The following INTS1 variants were observed in gnomAD, a reference collection of about 807,000 sequenced individuals.
INTS1 encodes the protein integrator complex subunit 1.
INTS1 carries 137 observed loss-of-function variants against 241.6 expected under a neutral mutation model. The ratio of observed to expected loss-of-function variants is 0.57; its 90% CI spans 0.49 to 0.65. The LOEUF is 0.65. Among genes scored for constraint, INTS1 ranks in the 30% least tolerant of loss-of-function variants. The pLI is 0.00. For synonymous variants in INTS1, 1,692 were observed against 1,337.8 expected, an observed-to-expected ratio of 1.26 and a Z score of -5.78; for missense variants, 3,073 against 3,032.2, an observed-to-expected ratio of 1.01 and a Z score of -0.32.
intron 16 of INTS1, among the ~76,000 whole-genome samples, chr7:1,491,597 C>G (rs910887723): frequency 2.0e-5 from 3 of 152,208 alleles, no homozygotes; most frequent in African/African-American, 4.8e-5. Context: ...TGGATTTGCT[C>G]AAAATTGAAA....
chr7:1,495,944 A>G lies in INTS1; in HGVS notation c.1711+212T>C, dbSNP rs113214174. Among the ~76,000 whole-genome samples the G allele has an allele frequency of 2.6e-4, 39 of 152,130 alleles. 1 individual carries two copies. Among genetic ancestry groups the G allele is most frequent in the African/African-American group, 8.9e-4 (37 of 41,384 alleles). ...GAACTGGAGCACACAAAGGACGCTC[A>G]TGGGAACAGGGTCTGAGCCTGCAGC... On this transcript the variant is annotated intron_variant, in intron 12 of 47. Transcript: ENST00000404767.
intron 3 of INTS1, among the ~76,000 whole-genome samples, chr7:1,502,362 G>A (rs112119074): frequency 0.016 from 2,426 of 152,216 alleles, 65 homozygotes; most frequent in African/African-American, 0.054. Flanking sequence ...TAGGCACACA[G>A]TTAAAGGCAT....
rs1375111679 is a variant in INTS1, at chr7:1,503,893, G to A, written c.58+10C>T. Reference sequence around the variant, plus strand: ...GACCCCCGGGCTGCAGAGCGAGGAGGGAGACGCACCTGAGGGTTTGGCCGC... The same window carrying A: ...GACCCCCGGGCTGCAGAGCGAGGAGAGAGACGCACCTGAGGGTTTGGCCGC... On this transcript the variant is annotated intron_variant, in intron 2 of 47. Transcript: ENST00000404767. 5.1e-6 allele frequency: 8 copies of A among 1,561,872 alleles called. No individual in the cohort carries two copies. The East Asian group carries it at 7.2e-5, about 14-fold the overall frequency.
rs561160944 is a variant in INTS1 at position 1,474,809 on chromosome 7, C to A, written c.5532G>T (p.Thr1844=). 44 of 1,590,234 alleles carry A rather than the reference C, an allele frequency of 2.8e-5. No individual in the cohort carries two copies. The highest frequency in any genetic ancestry group is 4.6e-5 in the South Asian group (4 of 87,058). Residue 1844 remains threonine, a synonymous_variant, in exon 40 of 48, where the codon ACG becomes ACT. Transcript: ENST00000404767. ...KLDGLIHRFI[T]LLADTSDSRA... is the part of the protein sequence containing the mutation. ...GGGAGTCGCTGGTGTCCGCAAGGAG[C>A]GTGATGAAGCGGTGGATGAGTCCGT...
chr7:1,473,052 C>T lies in INTS1; in HGVS notation c.6070+20G>A, dbSNP rs748758702. 8 of 1,524,982 alleles carry T rather than the reference C, an allele frequency of 5.2e-6. No homozygotes were observed. The Admixed American group carries it at 8.9e-5, about 17-fold the overall frequency. The allele number at this position is 1,524,982 out of a possible 1,614,324, so 94.5% of individuals were successfully genotyped here. A position where few individuals can be genotyped will look rare whatever the true frequency, so the allele number is the denominator to read the frequency against. On this transcript the variant is annotated intron_variant, in intron 43 of 47. Transcript: ENST00000404767. ...ACTGTTCCGCAGCTGCTTCCAGCAGCCCCTGGCAGCCCCACTCACCCTCGC... is the reference window on the plus strand; with the variant it reads ...ACTGTTCCGCAGCTGCTTCCAGCAGTCCCTGGCAGCCCCACTCACCCTCGC...
Position 1,487,331 on chromosome 7 carries a change from T to G in INTS1, c.2635A>C (p.Ile879Leu). The change falls in exon 20 of 48, where the codon ATC becomes CTC. Residue 879 changes from isoleucine (I) to leucine (L), a missense_variant. Ile to Leu is a conservative substitution (Grantham distance 5). Transcript: ENST00000404767. ...GCCTCGGCACTCACCTGCCGCTGGATGATGTGGAGGAGAAAGTCAGGGTTT... is the reference window on the plus strand; with the variant it reads ...GCCTCGGCACTCACCTGCCGCTGGAGGATGTGGAGGAGAAAGTCAGGGTTT... The part of the protein sequence containing the change: ...SRNPDFLLHI[I>L]QRQASSQSMP... The G allele has an allele frequency of 6.2e-7, 1 of 1,600,618 alleles. No homozygotes were observed. The highest frequency in any genetic ancestry group is 8.5e-7 in the Non-Finnish European group (1 of 1,174,024).
At chr7:1,500,516 G>C in intron 3 of INTS1, 150 bp from the exon 4 acceptor site, 1 of 854,134 alleles carries the variant, frequency 1.2e-6, no homozygotes, top group Admixed American at 2.9e-5. Flanking sequence ...TTCCCACAGC[G>C]GACAAGCACC....
chr7:1,487,150 C>T, intron 20 of INTS1, 49 bp from the exon 21 acceptor site: 1 of 1,530,168 alleles, frequency 6.5e-7, no homozygotes, highest in Non-Finnish European at 8.8e-7. Context: ...GGCCCAACAC[C>T]TGCCGCCAGC....
At position 1,471,126 on chromosome 7, in the gene INTS1, G is replaced by T; in HGVS notation, c.6347+7C>A. The stretch of plus-strand genomic sequence containing the variant: ...GGCGGCGGGACAGAGGCCGGCGGTG[G>T]CCTCACCTGGGGCTGTTCTGCATGG... On this transcript the variant is annotated splice_region_variant and intron_variant, in intron 46 of 47. Coordinates refer to ENST00000404767, the MANE Select transcript of INTS1 (RefSeq NM_001080453.3). 6.4e-7 allele frequency: 1 copy of T among 1,560,484 alleles called. No individual in the cohort carries two copies.
In INTS1 at chr7:1,493,209, G is replaced by A. The variant is rs1369511959; in HGVS notation, c.2069-103C>T. ...CTCGGGCCGCGTCGGGGTGGGGTGG[G>A]GGATGCCGCAGGGTGGGGCGCAGGC... On this transcript the variant is annotated intron_variant, in intron 15 of 47. Coordinates refer to ENST00000404767, the MANE Select transcript of INTS1 (RefSeq NM_001080453.3). The surrounding 1 kb of genome is among the most constrained non-coding windows in gnomAD (Gnocchi z 5.3). 8 of 840,098 alleles carry A rather than the reference G, an allele frequency of 9.5e-6. No homozygotes were observed. Among genetic ancestry groups the A allele is most frequent in the Non-Finnish European group, 1.3e-5 (7 of 519,748 alleles). 52.0% of individuals were successfully genotyped at this position (840,098 alleles called of 1,614,324 possible).
intron 45 of INTS1, 112 bp from the exon 46 acceptor site, chr7:1,471,336 C>G: frequency 8.4e-7 from 1 of 1,183,462 alleles, no homozygotes; most frequent in Admixed American, 2.1e-5. Context: ...CCCTAGGCCC[C>G]TATCCAGAAG....
chr7:1,497,710 C>A lies in INTS1; in HGVS notation c.1426-396G>T, dbSNP rs1197425960. Among the ~76,000 whole-genome samples, 3 of 152,350 alleles carry A rather than the reference C, an allele frequency of 2.0e-5. No homozygotes were observed. The East Asian group carries it at 5.8e-4, about 29-fold the overall frequency. On this transcript the variant is annotated intron_variant, in intron 10 of 47. Transcript: ENST00000404767. This position sits in a 1 kb window ranked among gnomAD's most constrained non-coding sequence, Gnocchi z 5.3. ...GATCTGAAAGGACGCACTCCTGTCT[C>A]AAAATGCCAGGCCGCGAAGACTGAA...
At chr7:1,479,021 C>T (rs1333651326) in intron 31 of INTS1, 136 bp from the exon 32 acceptor site, 21 of 990,708 alleles carry the variant, frequency 2.1e-5, no homozygotes, top group South Asian at 5.1e-5. Context: ...AACCTCATCC[C>T]GCCTCCTGTC....
chr7:1,476,940 C>T (rs748740440), intron 35 of INTS1, 22 bp from the exon 36 acceptor site: 17 of 1,599,704 alleles, frequency 1.1e-5, no homozygotes, highest in Admixed American at 5.1e-5. Context: ...GGAAGAAGCC[C>T]GGATGGCCTC....
intron 45 of INTS1, 127 bp from the exon 46 acceptor site, chr7:1,471,351 G>A: frequency 3.7e-6 from 4 of 1,076,050 alleles, no homozygotes; most frequent in Non-Finnish European, 5.4e-6. Flanking sequence ...CAGAAGGCAG[G>A]ACGCACGTGC....
At chr7:1,478,911 T>C (rs372138212) in intron 31 of INTS1, 26 bp from the exon 32 acceptor site, 62 of 1,582,060 alleles carry the variant, frequency 3.9e-5, no homozygotes, top group Non-Finnish European at 4.3e-5. Context: ...GGCACGTGGC[T>C]ACCCTGGCAG....
Position 1,482,685 on chromosome 7 carries a change from C to A in INTS1, c.3564G>T (p.Ala1188=). ...CCTCCGGAAACCAGATGTCCAGCAG[C>A]GCCTGGAACTCGCTGTCGTCGGCTT... The part of the protein sequence containing the change: ...PPRADDSEFQ[A]LLDIWFPEEK... The change falls in exon 27 of 48, where the codon GCG becomes GCT. Residue 1188 remains alanine, a synonymous_variant. Transcript: ENST00000404767. The A allele has an allele frequency of 6.2e-7, 1 of 1,612,694 alleles. No homozygotes were observed. The highest frequency in any genetic ancestry group is 8.5e-7 in the Non-Finnish European group (1 of 1,179,820).
chr7:1,496,019 C>T (rs1018819565), intron 12 of INTS1, 137 bp downstream of exon 12: 63 of 658,976 alleles, frequency 9.6e-5, no homozygotes, highest in East Asian at 6.1e-4. Context: ...TTCCAGGCTC[C>T]GTGTCCCCGA....
chr7:1,479,383 G>C, intron 31 of INTS1, 47 bp downstream of exon 31: 1 of 1,536,958 alleles, frequency 6.5e-7, no homozygotes, highest in South Asian at 1.2e-5. Context: ...GCGGGAGGCA[G>C]AGCCCTCACT....
Sources: gnomAD v4.1 joint callset for allele counts (sites outside exome capture counted in the v4.1 genomes callset) on GRCh38, gnomAD v4.1.1 for gene constraint, Gnocchi (gnomAD v3.1) non-coding constraint, MANE v1.5 for transcripts, NCBI Gene and HGNC (gene_info 2026-07-23, HGNC 2026-07-21) for gene names.